Variants in GPR107 observed in about 807,000 individuals in gnomAD.
The protein encoded by GPR107 is G protein-coupled receptor 107.
In GPR107, 31 loss-of-function variants were observed where a neutral mutation model predicts 75.5. That is an observed-to-expected ratio of 0.41 (90% CI 0.31 to 0.55). GPR107 has a LOEUF of 0.55. Among genes scored for constraint, GPR107 ranks in the 20% least tolerant of loss-of-function variants. The pLI is 0.26. For missense variants in GPR107, 572 were observed against 665.7 expected (o/e 0.86, Z 1.55); for synonymous variants, 267 against 251.3 (o/e 1.06, Z -0.59).
At chr9:130,134,952 G>C in intron 17 of GPR107, 73 bp from the exon 18 acceptor site, 1 of 828,810 alleles carries the variant, frequency 1.2e-6, no homozygotes. Flanking sequence ...CCTAATCACC[G>C]TGCTGTGGCA....
At chr9:130,080,392 T>G (rs1487112626) in intron 5 of GPR107, among the ~76,000 whole-genome samples, 7 of 152,208 alleles carry the variant, frequency 4.6e-5, no homozygotes. Context: ...AGTGGGCACA[T>G]TATCATGTCC....
chr9:130,113,430 A>G lies in GPR107; in HGVS notation c.1306+5891A>G, dbSNP rs577002443. Among the ~76,000 whole-genome samples the G allele has an allele frequency of 6.6e-5, 10 of 151,456 alleles. No homozygotes were observed. In the East Asian group the frequency reaches 2.0e-3, roughly 30 times the overall value. On this transcript the variant is annotated intron_variant, in intron 14 of 17. Transcript: ENST00000347136. ...TATTTTTTGTAGAGACGGGGTCTCA[A>G]TTTGTTGCCCAAGCTGGTCTCAAAC...
chr9:130,121,518 A>C (rs1262340648), intron 14 of GPR107, among the ~76,000 whole-genome samples: 1 of 152,050 alleles, frequency 6.6e-6, no homozygotes, highest in East Asian at 1.9e-4. Flanking sequence ...TTTTGGCTTT[A>C]CTCTTAGCCC....
At chr9:130,099,556 C>G in intron 10 of GPR107, 24 bp downstream of exon 10, 1 of 1,380,546 alleles carries the variant, frequency 7.2e-7, no homozygotes, top group Non-Finnish European at 1.0e-6. Context: ...TTTTGAGGAT[C>G]ATTCATGAAA....
intron 14 of GPR107, among the ~76,000 whole-genome samples, chr9:130,110,130 G>T (rs1475522548): frequency 1.3e-5 from 2 of 152,106 alleles, no homozygotes; most frequent in African/African-American, 4.8e-5. Context: ...CCTCCATCTT[G>T]CTTTAGCGAG....
intron 4 of GPR107, among the ~76,000 whole-genome samples, chr9:130,078,236 A>G (rs961538026): frequency 9.9e-5 from 15 of 152,104 alleles, no homozygotes; most frequent in African/African-American, 3.6e-4. Context: ...CATACTTCCA[A>G]CTGCGTACTT....
chr9:130,071,035 C>CTTTTTTTTTTTTTTTTTTT (rs56799662), intron 1 of GPR107, among the ~76,000 whole-genome samples: 6 of 98,178 alleles, frequency 6.1e-5, no homozygotes, highest in Admixed American at 1.5e-4. Context: ...TTTTTTTTTT[C>CTTTTTTTTTTTTTTTTTTT]TTTTTTTTTT....
intron 12 of GPR107, among the ~76,000 whole-genome samples, chr9:130,102,021 A>G (rs748875952): frequency 1.3e-5 from 2 of 152,182 alleles, no homozygotes; most frequent in Non-Finnish European, 2.9e-5. Context: ...CTTACGTTCA[A>G]TAATGAGGAA....
intron 10 of GPR107, among the ~76,000 whole-genome samples, chr9:130,099,952 T>C (rs1830980364): frequency 6.9e-6 from 1 of 143,928 alleles, no homozygotes. Flanking sequence ...TGGAGTGCAG[T>C]GGCGTGATCT....
Position 130,083,566 on chromosome 9 carries a change from T to C in GPR107, c.528T>C (p.Asp176=), listed in dbSNP as rs2132575721. Residue 176 remains aspartate (D), a splice_region_variant and synonymous_variant, in exon 6 of 18, where the codon GAT becomes GAC. Coordinates refer to ENST00000347136, the MANE Select transcript of GPR107 (RefSeq NM_020960.5). ...TCTTTTAAATGTTCTTGCTTCTAGA[T>C]GGTGGAAAGTCTAAAAGAAGTACAG... ...SAGNQTQKTQ[D]GGKSKRSTVD... 6.6e-7 allele frequency: 1 copy of C among 1,522,648 alleles called. No individual in the cohort carries two copies. The allele number at this position is 1,522,648 out of a possible 1,614,324, so 94.3% of individuals were successfully genotyped here.
intron 14 of GPR107, among the ~76,000 whole-genome samples, chr9:130,110,963 A>G (rs759424611): frequency 3.9e-5 from 6 of 152,154 alleles, no homozygotes; most frequent in Admixed American, 6.5e-5. Flanking sequence ...TCTCAGGCTC[A>G]TTATTCCAGT....
At chr9:130,109,788 C>T (rs1325249526) in intron 14 of GPR107, among the ~76,000 whole-genome samples, 2 of 151,240 alleles carry the variant, frequency 1.3e-5, no homozygotes, top group African/African-American at 2.5e-5. Context: ...CCAGGCTGGT[C>T]GCAAACTCCT....
intron 2 of GPR107, 60 bp downstream of exon 2, chr9:130,075,809 GT>G: frequency 2.6e-6 from 2 of 767,012 alleles, no homozygotes; most frequent in Non-Finnish European, 4.3e-6. Context: ...TTGAGATGGA[GT>G]CTTGCTCTGT....
intron 14 of GPR107, among the ~76,000 whole-genome samples, chr9:130,118,653 C>G (rs1021505361): frequency 3.3e-5 from 5 of 151,952 alleles, no homozygotes; most frequent in African/African-American, 9.7e-5. Context: ...GACACCCTCC[C>G]CAACCCCCGT....
chr9:130,065,766 CAAAAAAA>C (rs34927308), intron 1 of GPR107, among the ~76,000 whole-genome samples: 3 of 61,052 alleles, frequency 4.9e-5, no homozygotes, highest in South Asian at 1.2e-3. Context: ...GACCCTGTCT[CAAAAAAA>C]AAAAAAAAAA....
At chr9:130,068,318 G>GT (rs1240129303) in intron 1 of GPR107, among the ~76,000 whole-genome samples, 2 of 152,006 alleles carry the variant, frequency 1.3e-5, no homozygotes, top group African/African-American at 4.8e-5. Context: ...GTACTGGAAC[G>GT]TGGCCTACAA....
intron 17 of GPR107, among the ~76,000 whole-genome samples, chr9:130,132,294 C>T (rs1554899204): frequency 6.6e-6 from 1 of 152,204 alleles, no homozygotes; most frequent in African/African-American, 2.4e-5. Flanking sequence ...GATTCTCACC[C>T]CTTGGGCTCA....
chr9:130,115,382 C>T (rs1831397126), intron 14 of GPR107, among the ~76,000 whole-genome samples: 1 of 152,002 alleles, frequency 6.6e-6, no homozygotes, highest in South Asian at 2.1e-4. Context: ...TTTTTCCGCT[C>T]ATTTTTTTCT....
chr9:130,095,331 T>C (rs1830838224), intron 9 of GPR107, among the ~76,000 whole-genome samples: 1 of 152,230 alleles, frequency 6.6e-6, no homozygotes, highest in Admixed American at 6.5e-5. Flanking sequence ...TTAATTTTCC[T>C]TTAGTTATTG....
Sources: gnomAD v4.1 joint callset for allele counts (sites outside exome capture counted in the v4.1 genomes callset) on GRCh38, gnomAD v4.1.1 for gene constraint, MANE v1.5 for transcripts, NCBI Gene and HGNC (gene_info 2026-07-23, HGNC 2026-07-21) for gene names.